PPP1R1C: variants seen among roughly 807,000 people sequenced by gnomAD.
PPP1R1C encodes the protein protein phosphatase 1 regulatory inhibitor subunit 1C.
A neutral mutation model predicts 17.4 loss-of-function variants in PPP1R1C; 15 were observed. The observed-to-expected ratio is 0.86, with a 90% CI of 0.58 to 1.33. PPP1R1C has a LOEUF of 1.33. PPP1R1C is among the 40% of genes most tolerant of loss of function. PPP1R1C has a pLI of 0.00. For synonymous variants in PPP1R1C, 35 were observed against 43.1 expected (o/e 0.81, Z 0.73); for missense variants, 143 against 130.0 (o/e 1.10, Z -0.48).
At chr2:182,007,291 T>A (rs913736412) in intron 2 of PPP1R1C, among the ~76,000 whole-genome samples, 1 of 152,334 alleles carries the variant, frequency 6.6e-6, no homozygotes, top group African/African-American at 2.4e-5. Context: ...TTTCTCATGA[T>A]GTTTCATCAT....
intron 2 of PPP1R1C, among the ~76,000 whole-genome samples, chr2:181,980,817 A>G (rs1574349588): frequency 6.6e-6 from 1 of 152,214 alleles, no homozygotes; most frequent in East Asian, 1.9e-4. Context: ...CTTCAGTTCA[A>G]TTCAGCACTC....
Position 182,050,622 on chromosome 2 carries a change from T to C in PPP1R1C, c.143-10820T>C, listed in dbSNP as rs564036684. 1.7e-3 allele frequency among the ~76,000 whole-genome samples: 257 copies of C among 152,278 alleles called. 1 individual carries two copies. Among genetic ancestry groups the C allele is most frequent in the African/African-American group, 5.8e-3 (241 of 41,554 alleles). ...AGTGTCACACTGTAGCAATAAGTCA[T>C]CCACTGATTTCACAGCCTTGCCTAT... On this transcript the variant is annotated intron_variant, in intron 2 of 4. Coordinates refer to ENST00000682840, the MANE Select transcript of PPP1R1C (RefSeq NM_001080545.3).
At position 181,957,333 on chromosome 2, in the gene PPP1R1C, G is replaced by C. The variant is rs1684686795; in HGVS notation, n.111+2699G>C. ...GGTAGCGCCACTGCACTTCAACCTGGGCGACAGAGTGAGACTCTGTCTTAA... is the reference window on the plus strand; with the variant it reads ...GGTAGCGCCACTGCACTTCAACCTGCGCGACAGAGTGAGACTCTGTCTTAA... On this transcript the variant is annotated intron_variant and non_coding_transcript_variant, in intron 1 of 5. Transcript: ENST00000464264. This position sits in a 1 kb window ranked among gnomAD's most constrained non-coding sequence, Gnocchi z 4.2. Among the ~76,000 whole-genome samples, 1 of 152,032 alleles carries C rather than the reference G, an allele frequency of 6.6e-6. No homozygotes were observed. Among genetic ancestry groups the C allele is most frequent in the Non-Finnish European group, 1.5e-5 (1 of 68,006 alleles).
upstream of PPP1R1C, among the ~76,000 whole-genome samples, chr2:181,984,300 C>G (rs1685248531): frequency 6.6e-6 from 1 of 152,178 alleles, no homozygotes. Context: ...AGCTTGAACT[C>G]AAGGTTGCCA....
chr2:182,119,589 A>C (rs1450120697), downstream of PPP1R1C, among the ~76,000 whole-genome samples: 2 of 152,146 alleles, frequency 1.3e-5, no homozygotes, highest in Non-Finnish European at 2.9e-5. Flanking sequence ...CTTTTTAATG[A>C]TCACCATTCC....
At chr2:181,964,931 C>G (rs571229946) in intron 1 of PPP1R1C, among the ~76,000 whole-genome samples, 27 of 152,340 alleles carry the variant, frequency 1.8e-4, no homozygotes, top group Non-Finnish European at 3.7e-4. Flanking sequence ...GTCTCAAACT[C>G]CTGACCTCAG....
At chr2:182,011,346 G>T (rs918025164) in intron 2 of PPP1R1C, among the ~76,000 whole-genome samples, 1 of 151,982 alleles carries the variant, frequency 6.6e-6, no homozygotes, top group African/African-American at 2.4e-5. Flanking sequence ...TATTTTGATA[G>T]GTTGTATGTG....
At chr2:181,997,938 T>G (rs1216534555) in intron 2 of PPP1R1C, among the ~76,000 whole-genome samples, 1 of 152,226 alleles carries the variant, frequency 6.6e-6, no homozygotes, top group East Asian at 1.9e-4. Flanking sequence ...ATGTCTTAAA[T>G]ATAGCAATGT....
At chr2:182,045,492 A>G (rs1033824387) in intron 2 of PPP1R1C, among the ~76,000 whole-genome samples, 2 of 151,954 alleles carry the variant, frequency 1.3e-5, no homozygotes, top group African/African-American at 4.8e-5. Context: ...TGATTAAGCC[A>G]TGAAAAGATT....
chr2:182,054,262 T>C (rs1687616528), intron 2 of PPP1R1C, among the ~76,000 whole-genome samples: 1 of 152,232 alleles, frequency 6.6e-6, no homozygotes, highest in Non-Finnish European at 1.5e-5. Context: ...GAGTTTTCTG[T>C]AATGGTAACA....
intron 4 of PPP1R1C, among the ~76,000 whole-genome samples, chr2:182,095,919 G>T (rs1051000009): frequency 6.6e-6 from 1 of 151,352 alleles, no homozygotes; most frequent in African/African-American, 2.4e-5. Context: ...AGATTACAGT[G>T]AGCCAAGATC....
chr2:182,097,023 A>C (rs992250817), intron 4 of PPP1R1C, among the ~76,000 whole-genome samples: 1 of 152,240 alleles, frequency 6.6e-6, no homozygotes, highest in East Asian at 1.9e-4. Context: ...TCTGAAGAAC[A>C]TACACTATTA....
At chr2:182,020,554 G>C (rs1020319858) in intron 2 of PPP1R1C, among the ~76,000 whole-genome samples, 2 of 152,122 alleles carry the variant, frequency 1.3e-5, no homozygotes, top group African/African-American at 4.8e-5. Flanking sequence ...TTCCCTGACA[G>C]CCTCAGAAGA....
At chr2:182,105,968 T>G (rs529909378) in intron 4 of PPP1R1C, among the ~76,000 whole-genome samples, 22 of 152,280 alleles carry the variant, frequency 1.4e-4, no homozygotes, top group African/African-American at 5.1e-4. Context: ...TCCTCAGAGT[T>G]TGTTTCCTCT....
At chr2:182,038,855 G>A (rs983213066) in intron 2 of PPP1R1C, among the ~76,000 whole-genome samples, 3 of 152,246 alleles carry the variant, frequency 2.0e-5, no homozygotes, top group African/African-American at 7.2e-5. Context: ...ACAAGGATGT[G>A]GGCAGAAGCT....
upstream of PPP1R1C, among the ~76,000 whole-genome samples, chr2:181,980,956 T>C (rs1257837522): frequency 7.2e-6 from 1 of 138,102 alleles, no homozygotes; most frequent in African/African-American, 2.8e-5. Context: ...TGAGACGGAG[T>C]CTCGCTCTGT....
chr2:182,077,745 T>G (rs575488200), intron 4 of PPP1R1C, among the ~76,000 whole-genome samples: 5 of 152,300 alleles, frequency 3.3e-5, no homozygotes, highest in African/African-American at 1.2e-4. Flanking sequence ...ACTCAGTATT[T>G]TCTTCATTGG....
chr2:182,015,509 A>T (rs1686236883), intron 2 of PPP1R1C, among the ~76,000 whole-genome samples: 1 of 152,112 alleles, frequency 6.6e-6, no homozygotes, highest in Admixed American at 6.5e-5. Flanking sequence ...AGCTGAGATT[A>T]TGTTGGGTCA....
At chr2:182,126,645 T>A (rs1293280235) in intron 5 of PPP1R1C, among the ~76,000 whole-genome samples, 1 of 151,994 alleles carries the variant, frequency 6.6e-6, no homozygotes, top group Non-Finnish European at 1.5e-5. Context: ...TCTGAAATAA[T>A]CAACATGAAT....
Sources: gnomAD v4.1 joint callset for allele counts (sites outside exome capture counted in the v4.1 genomes callset) on GRCh38, gnomAD v4.1.1 for gene constraint, Gnocchi (gnomAD v3.1) non-coding constraint, MANE v1.5 for transcripts, NCBI Gene and HGNC (gene_info 2026-07-23, HGNC 2026-07-21) for gene names.